The following BPTF variants were observed in gnomAD, a reference collection of about 807,000 sequenced individuals.
BPTF encodes bromodomain PHD finger transcription factor, also known as nucleosome-remodeling factor subunit BPTF.
Under a neutral mutation model 292.5 loss-of-function variants are expected in BPTF, and 18 were observed. The observed-to-expected ratio is 0.06, with a 90% CI of 0.04 to 0.09. The LOEUF (loss-of-function observed/expected upper bound fraction) is 0.09, where lower values mean the gene tolerates loss of function less well. BPTF is among the 10% of genes least tolerant of loss of function. The pLI is 1.00. For missense variants in BPTF, 2,726 were observed against 3,498.7 expected (o/e 0.78, Z 5.57); for synonymous variants, 1,225 against 1,251.9 (o/e 0.98, Z 0.45).
intron 4 of BPTF, among the ~76,000 whole-genome samples, chr17:67,878,089 A>G (rs1266635660): frequency 6.6e-6 from 1 of 152,172 alleles, no homozygotes; most frequent in Admixed American, 6.5e-5. Flanking sequence ...GACTATTCTG[A>G]CTTCTATCAC....
chr17:67,907,509 C>T (rs1261218554), intron 9 of BPTF, among the ~76,000 whole-genome samples: 1 of 151,968 alleles, frequency 6.6e-6, no homozygotes, highest in Non-Finnish European at 1.5e-5. Flanking sequence ...GTACCCGCCA[C>T]CACGCCGAGC....
intron 9 of BPTF, among the ~76,000 whole-genome samples, chr17:67,906,028 A>G (rs2062165301): frequency 6.6e-6 from 1 of 152,114 alleles, no homozygotes; most frequent in South Asian, 2.1e-4. Flanking sequence ...GTGCGCACGT[A>G]CCCTAGAACT....
rs766336562 is a variant in BPTF, at chr17:67,931,944, A to C, written c.6184A>C (p.Thr2062Pro). The C allele has an allele frequency of 6.8e-6, 11 of 1,613,902 alleles. No homozygotes were observed. Among genetic ancestry groups the C allele is most frequent in the Non-Finnish European group, 9.3e-6 (11 of 1,179,978 alleles). ...AGGGCCTCAGATTCGCCCTGGTATG[A>C]CCGTGATTAGAACACCACTCCAACA... ...ITGPQIRPGM[T>P]VIRTPLQQST... Residue 2062 changes from threonine to proline, a missense_variant, in exon 18 of 28, where the codon ACC (threonine) becomes CCC (proline). Thr to Pro is a conservative substitution (Grantham distance 38, BLOSUM62 -1). Around this residue, in one of 22 missense-constraint regions of BPTF, gnomAD observed 570 missense variants for 633.5 expected, o/e 0.90. Coordinates refer to ENST00000306378, the MANE Select transcript of BPTF (RefSeq NM_182641.4).
intron 25 of BPTF, chr17:67,966,304 A>G: frequency 2.9e-6 from 1 of 342,756 alleles, no homozygotes; most frequent in South Asian, 3.3e-5. Flanking sequence ...ACGGCTCATC[A>G]TGTAGGGCCC....
At position 67,918,889 on chromosome 17, in the gene BPTF, C is replaced by G. The variant is rs763884235; in HGVS notation, c.5428+51C>G. The G allele has an allele frequency of 6.9e-6, 11 of 1,590,760 alleles. No homozygotes were observed. In the African/African-American group the frequency reaches 1.5e-4, roughly 21 times the overall value. On this transcript the variant is annotated intron_variant, in intron 12 of 27. Coordinates refer to ENST00000306378, the MANE Select transcript of BPTF (RefSeq NM_182641.4). Reference sequence around the variant, plus strand: ...AATTTAAGTTTAAAAGCTAAAATCACAGGCCAGGCGTGGGCGCTCATGCCT... The same window carrying G: ...AATTTAAGTTTAAAAGCTAAAATCAGAGGCCAGGCGTGGGCGCTCATGCCT...
chr17:67,923,580 T>C (rs779474054), intron 14 of BPTF, among the ~76,000 whole-genome samples: 4 of 136,516 alleles, frequency 2.9e-5, no homozygotes, highest in Non-Finnish European at 4.6e-5. Context: ...CCTCCTGGGC[T>C]CAAGCAATTC....
intron 7 of BPTF, among the ~76,000 whole-genome samples, chr17:67,900,575 A>AT (rs2061764120): frequency 6.6e-6 from 1 of 151,738 alleles, no homozygotes; most frequent in African/African-American, 2.4e-5. Context: ...ACCAAAAATA[A>AT]TAATTAATTA....
In BPTF at chr17:67,908,858, G is replaced by A. The variant is rs189157617; in HGVS notation, c.2813-724G>A. 2.5e-3 allele frequency among the ~76,000 whole-genome samples: 306 copies of A among 123,930 alleles called. 2 individuals carry two copies. The highest frequency in any genetic ancestry group is 8.7e-3 in the African/African-American group (271 of 31,324). 81.3% of individuals were successfully genotyped at this position (123,930 alleles called of 152,430 possible). A position where few individuals can be genotyped will look rare whatever the true frequency, so the allele number is the denominator to read the frequency against. On this transcript the variant is annotated intron_variant, in intron 9 of 27. Transcript: ENST00000306378. ...TTTTTTTTTTTTTTTTTGTTGACACGGAGTCTCACTCTGTCGCCCAGGCTG... is the reference window on the plus strand; with the variant it reads ...TTTTTTTTTTTTTTTTTGTTGACACAGAGTCTCACTCTGTCGCCCAGGCTG...
At chr17:67,844,195 A>G (rs570139091) in intron 1 of BPTF, among the ~76,000 whole-genome samples, 27 of 143,316 alleles carry the variant, frequency 1.9e-4, no homozygotes, top group Admixed American at 5.1e-4. Context: ...GTCTCGTGCC[A>G]CAGCCTCCGG....
At chr17:67,869,530 T>G (rs1471056227) in intron 3 of BPTF, among the ~76,000 whole-genome samples, 1 of 152,196 alleles carries the variant, frequency 6.6e-6, no homozygotes, top group Non-Finnish European at 1.5e-5. Flanking sequence ...ACTTAAATTC[T>G]TCTTCCTCTA....
chr17:67,913,216 G>A, intron 11 of BPTF, 29 bp downstream of exon 11: 2 of 1,524,286 alleles, frequency 1.3e-6, no homozygotes, highest in Non-Finnish European at 8.8e-7. Context: ...ATTTGGGGGA[G>A]GGAGAAAATT....
chr17:67,848,292 T>G (rs2058175294), intron 1 of BPTF, among the ~76,000 whole-genome samples: 1 of 152,210 alleles, frequency 6.6e-6, no homozygotes, highest in Non-Finnish European at 1.5e-5. Context: ...GCAGGTAGTT[T>G]TGTTTATGGG....
At chr17:67,903,141 A>G (rs1471629032) in intron 7 of BPTF, among the ~76,000 whole-genome samples, 1 of 152,012 alleles carries the variant, frequency 6.6e-6, no homozygotes, top group African/African-American at 2.4e-5. Context: ...ATGGGGCCCC[A>G]TGGGCCCCTT....
In BPTF at chr17:67,854,634, A is replaced by G. The variant is rs375793981; in HGVS notation, c.1308A>G (p.Ala436=). Residue 436 remains alanine (A), a synonymous_variant, in exon 2 of 28, where the codon GCA becomes GCG. Coordinates refer to ENST00000306378, the MANE Select transcript of BPTF (RefSeq NM_182641.4). The surrounding 1 kb of genome is among the most constrained non-coding windows in gnomAD (Gnocchi z 5.6). ...EDEWQCEVCV[A]HKVPGVTDCV... ...AGTGGCAGTGTGAAGTCTGTGTAGC[A>G]CACAAGGTGCCTGGTGTGACTGACT... The G allele has an allele frequency of 6.2e-7, 1 of 1,614,132 alleles. No individual in the cohort carries two copies. The highest frequency in any genetic ancestry group is 8.5e-7 in the Non-Finnish European group (1 of 1,180,058).
chr17:67,863,144 G>A (rs1296200641), intron 2 of BPTF, among the ~76,000 whole-genome samples: 1 of 151,880 alleles, frequency 6.6e-6, no homozygotes, highest in Non-Finnish European at 1.5e-5. Context: ...TGAAATCATG[G>A]GTCAGCAGGG....
chr17:67,927,984 A>G (rs746098832), intron 15 of BPTF, among the ~76,000 whole-genome samples: 4 of 152,030 alleles, frequency 2.6e-5, no homozygotes, highest in Non-Finnish European at 5.9e-5. Flanking sequence ...CCTGGGTTCA[A>G]GCAATTCTTC....
In BPTF at chr17:67,889,620, C is replaced by T. The variant is rs557804241; in HGVS notation, c.1865-2224C>T. ...GTCAGGGGTTCAAGACCAGCCTGAC[C>T]AACATGGTGAAACCCCGTCTCTACT... On this transcript the variant is annotated intron_variant, in intron 4 of 27. Transcript: ENST00000306378. 2.6e-5 allele frequency among the ~76,000 whole-genome samples: 4 copies of T among 152,156 alleles called. No individual in the cohort carries two copies. In the East Asian group the frequency reaches 5.8e-4, roughly 22 times the overall value.
chr17:67,967,015 G>T (rs529387843), intron 26 of BPTF, among the ~76,000 whole-genome samples: 1 of 151,614 alleles, frequency 6.6e-6, no homozygotes, highest in African/African-American at 2.4e-5. Flanking sequence ...CAGGAGAATC[G>T]CTTGAACCAG....
intron 23 of BPTF, among the ~76,000 whole-genome samples, chr17:67,952,258 T>A (rs1294666310): frequency 1.2e-4 from 15 of 129,070 alleles, no homozygotes; most frequent in African/African-American, 2.7e-4. Context: ...CTCTTTTTTT[T>A]AATAGGCTTT....
Sources: allele counts gnomAD v4.1 joint callset (sites outside exome capture counted in the v4.1 genomes callset), GRCh38; gene constraint gnomAD v4.1.1; regional missense constraint gnomAD v4.1.1; non-coding constraint Gnocchi (gnomAD v3.1); transcripts MANE v1.5; gene names NCBI Gene and HGNC (gene_info 2026-07-23, HGNC 2026-07-21).